The following LTBP1 variants were observed in gnomAD, a reference collection of about 807,000 sequenced individuals.
The protein encoded by LTBP1 is latent-transforming growth factor beta-binding protein 1.
In LTBP1, 129 loss-of-function variants were observed where a neutral mutation model predicts 207.6. The ratio of observed to expected loss-of-function variants is 0.62; its 90% CI spans 0.54 to 0.72. The LOEUF is 0.72. Ranked by LOEUF, LTBP1 falls within the 30% of genes least tolerant of loss-of-function variation. The pLI is 0.00. For missense variants in LTBP1, 2,281 were observed against 2,217.2 expected (o/e 1.03, Z -0.58); for synonymous variants, 963 against 833.7 (o/e 1.16, Z -2.67).
At chr2:33,202,687 A>G (rs536787664) in intron 7 of LTBP1, among the ~76,000 whole-genome samples, 1 of 152,358 alleles carries the variant, frequency 6.6e-6, no homozygotes, top group South Asian at 2.1e-4. Flanking sequence ...CTTATGTGGA[A>G]GGGGAACTGA....
chr2:33,202,171 A>G (rs2089378059), intron 7 of LTBP1, among the ~76,000 whole-genome samples: 2 of 152,218 alleles, frequency 1.3e-5, no homozygotes, highest in African/African-American at 4.8e-5. Context: ...TGAAGTGGAA[A>G]GTATCCTAAT....
intron 3 of LTBP1, 41 bp downstream of exon 3, chr2:33,021,247 A>C: frequency 1.3e-6 from 2 of 1,525,716 alleles, no homozygotes; most frequent in East Asian, 2.3e-5. Context: ...GATCATCTTA[A>C]TTACTCTCTT....
At chr2:33,339,059 G>C (rs2094585609) in intron 24 of LTBP1, among the ~76,000 whole-genome samples, 1 of 152,178 alleles carries the variant, frequency 6.6e-6, no homozygotes, top group East Asian at 1.9e-4. Context: ...AGGGAGGCAA[G>C]ACTGGAGATG....
At chr2:33,192,331 A>G (rs2087993138) in intron 7 of LTBP1, among the ~76,000 whole-genome samples, 1 of 152,176 alleles carries the variant, frequency 6.6e-6, no homozygotes, top group South Asian at 2.1e-4. Flanking sequence ...CTGCTGTGAG[A>G]CAGTATAGAG....
At chr2:33,161,248 GCTTTTTTTTTTTC>G (rs1011774170) in intron 5 of LTBP1, among the ~76,000 whole-genome samples, 5 of 149,334 alleles carry the variant, frequency 3.3e-5, no homozygotes, top group Admixed American at 3.3e-4. Flanking sequence ...TAAATAGGAA[GCTTTTTTTTTTTC>G]CTTTTTTTTT....
intron 5 of LTBP1, among the ~76,000 whole-genome samples, chr2:33,149,576 G>A (rs1323322517): frequency 6.6e-6 from 1 of 152,134 alleles, no homozygotes; most frequent in South Asian, 2.1e-4. Flanking sequence ...GGCTCCTAGA[G>A]GCTTGATTTA....
At chr2:33,341,729 A>AAAAACATATATAT (rs745445793) in intron 24 of LTBP1, among the ~76,000 whole-genome samples, 1 of 93,636 alleles carries the variant, frequency 1.1e-5, no homozygotes, top group Admixed American at 1.3e-4. Flanking sequence ...AAAAAAAAAA[A>AAAAACATATATAT]ATATATATAT....
At chr2:33,104,014 T>A (rs2079910489) in intron 3 of LTBP1, among the ~76,000 whole-genome samples, 1 of 152,152 alleles carries the variant, frequency 6.6e-6, no homozygotes, top group South Asian at 2.1e-4. Flanking sequence ...TGTGGGAAAC[T>A]TTTTGTGGCC....
At chr2:33,257,611 A>G in intron 12 of LTBP1, 100 bp downstream of exon 12, 1 of 978,978 alleles carries the variant, frequency 1.0e-6, no homozygotes, top group Admixed American at 2.4e-5. Context: ...TCTCAGCCTA[A>G]GCACTATTGG....
chr2:33,025,379 G>C (rs575293016), intron 3 of LTBP1, among the ~76,000 whole-genome samples: 1 of 152,106 alleles, frequency 6.6e-6, no homozygotes, highest in Non-Finnish European at 1.5e-5. Context: ...AGCTCTAAAG[G>C]TTGCTTGAAA....
intron 26 of LTBP1, among the ~76,000 whole-genome samples, chr2:33,352,218 A>G (rs996696507): frequency 6.6e-6 from 1 of 151,628 alleles, no homozygotes; most frequent in African/African-American, 2.4e-5. Flanking sequence ...TGCAACCTCT[A>G]CCTCCCGAGT....
chr2:33,310,166 G>A (rs2094162748), intron 23 of LTBP1, among the ~76,000 whole-genome samples: 1 of 152,018 alleles, frequency 6.6e-6, no homozygotes, highest in Admixed American at 6.6e-5. Flanking sequence ...CCAGGCTGGT[G>A]TTGAACACCT....
rs1685705619 is a variant in LTBP1 at position 32,999,004 on chromosome 2, G to A, written c.566-21905G>A. Reference sequence around the variant, plus strand: ...ATCAGCATCACCTGAGAACTTGTTAGAAATACACCTTATGAGGCCCCACCC... The same window carrying A: ...ATCAGCATCACCTGAGAACTTGTTAAAAATACACCTTATGAGGCCCCACCC... On this transcript the variant is annotated intron_variant, in intron 2 of 33. Coordinates refer to ENST00000404816, the MANE Select transcript of LTBP1 (RefSeq NM_206943.4). 2.6e-5 allele frequency among the ~76,000 whole-genome samples: 4 copies of A among 152,222 alleles called. No homozygotes were observed. In the South Asian group the frequency reaches 8.3e-4, roughly 32 times the overall value.
chr2:33,180,533 C>T (rs1362925321), intron 5 of LTBP1, among the ~76,000 whole-genome samples: 1 of 151,456 alleles, frequency 6.6e-6, no homozygotes, highest in Non-Finnish European at 1.5e-5. Context: ...CTCAGTGCAA[C>T]CCCTGCCTCC....
At chr2:33,312,866 T>G (rs2094207807) in intron 23 of LTBP1, among the ~76,000 whole-genome samples, 1 of 152,092 alleles carries the variant, frequency 6.6e-6, no homozygotes, top group African/African-American at 2.4e-5. Flanking sequence ...AGAAGAGGGG[T>G]CTCAGGTAGC....
chr2:33,260,663 A>G (rs1225368337), intron 13 of LTBP1, among the ~76,000 whole-genome samples: 1 of 152,238 alleles, frequency 6.6e-6, no homozygotes, highest in Non-Finnish European at 1.5e-5. Flanking sequence ...GAGACCAAAA[A>G]ATGTATAACA....
chr2:33,285,091 G>A (rs1200027265), intron 19 of LTBP1, among the ~76,000 whole-genome samples: 1 of 149,076 alleles, frequency 6.7e-6, no homozygotes, highest in East Asian at 2.0e-4. Context: ...GCCCAGGCTG[G>A]AGTGCAATGG....
chr2:33,059,589 A>G (rs951039251), intron 3 of LTBP1, among the ~76,000 whole-genome samples: 2 of 152,202 alleles, frequency 1.3e-5, no homozygotes, highest in Non-Finnish European at 2.9e-5. Flanking sequence ...TAGCCTTTGG[A>G]TTTGAGAGGC....
intron 2 of LTBP1, among the ~76,000 whole-genome samples, chr2:32,969,955 T>C (rs571108734): frequency 6.6e-6 from 1 of 152,348 alleles, no homozygotes; most frequent in Admixed American, 6.5e-5. Context: ...ACTTTAACAA[T>C]AGCCATTCTG....
Sources: allele counts gnomAD v4.1 joint callset (sites outside exome capture counted in the v4.1 genomes callset), GRCh38; gene constraint gnomAD v4.1.1; transcripts MANE v1.5; gene names NCBI Gene and HGNC (gene_info 2026-07-23, HGNC 2026-07-21).